Variants in PRPF39 observed in about 807,000 individuals in gnomAD.
PRPF39 encodes the protein pre-mRNA-processing factor 39.
A neutral mutation model predicts 82.1 loss-of-function variants in PRPF39; 27 were observed. That is an observed-to-expected ratio of 0.33 (90% CI 0.24 to 0.45). PRPF39 has a LOEUF of 0.45. PRPF39 is among the 20% of genes least tolerant of loss of function. The probability of loss-of-function intolerance (pLI) is 1.00; values close to 1 mark genes in which losing one functional copy is unlikely to be tolerated. For synonymous variants in PRPF39, 261 were observed against 256.4 expected (o/e 1.02, Z -0.17); for missense variants, 581 against 796.9 (o/e 0.73, Z 3.26).
chr14:45,095,996 C>T, intron 2 of PRPF39, 107 bp from the exon 3 acceptor site: 1 of 1,053,826 alleles, frequency 9.5e-7, no homozygotes, highest in Non-Finnish European at 1.3e-6. Context: ...AGTTTTTAAG[C>T]CTGCCATTTA....
chr14:45,087,740 ATTTTTTTTT>A (rs35926249), intron 1 of PRPF39, among the ~76,000 whole-genome samples: 1 of 123,426 alleles, frequency 8.1e-6, no homozygotes, highest in East Asian at 2.5e-4. Flanking sequence ...TGCCCGGCTA[ATTTTTTTTT>A]TTTTTTTTTT....
chr14:45,093,573 G>A (rs1422545482), intron 1 of PRPF39, among the ~76,000 whole-genome samples: 1 of 99,500 alleles, frequency 1.0e-5, no homozygotes, highest in East Asian at 2.8e-4. Flanking sequence ...TTTTTTTTTT[G>A]AGACGGAGTT....
intron 5 of PRPF39, among the ~76,000 whole-genome samples, chr14:45,107,140 G>A (rs939055469): frequency 6.6e-6 from 1 of 152,150 alleles, no homozygotes; most frequent in African/African-American, 2.4e-5. Flanking sequence ...AAGATTTAGA[G>A]AAAAGAAAAC....
intron 1 of PRPF39, among the ~76,000 whole-genome samples, chr14:45,088,573 G>A (rs1390011776): frequency 6.6e-6 from 1 of 152,154 alleles, no homozygotes; most frequent in Non-Finnish European, 1.5e-5. Context: ...TTGAATCTTA[G>A]CTCTGTTTCT....
chr14:45,116,065 T>C lies in PRPF39; in HGVS notation c.*1152T>C. 1.6e-6 allele frequency: 1 copy of C among 630,524 alleles called. No homozygotes were observed. Among genetic ancestry groups the C allele is most frequent in the South Asian group, 2.1e-5 (1 of 46,782 alleles). The allele number at this position is 630,524 out of a possible 1,614,324, so 39.1% of individuals were successfully genotyped here. ...AAAAGCTGGGACCAAGTAAACAAAT[T>C]TTATTAACTCCTTGAATTTTCCAGT... is the stretch of plus-strand genomic sequence containing the variant. On this transcript the variant is annotated 3_prime_UTR_variant, in exon 14 of 14. Coordinates refer to ENST00000355765, the MANE Select transcript of PRPF39 (RefSeq NM_017922.4).
chr14:45,089,280 A>G (rs1298274514), intron 1 of PRPF39, among the ~76,000 whole-genome samples: 2 of 152,188 alleles, frequency 1.3e-5, no homozygotes, highest in East Asian at 1.9e-4. Context: ...TACATGTAGT[A>G]TAAGACCAGG....
intron 4 of PRPF39, among the ~76,000 whole-genome samples, chr14:45,102,144 A>AT (rs1884395179): frequency 6.6e-6 from 1 of 152,140 alleles, no homozygotes; most frequent in African/African-American, 2.4e-5. Flanking sequence ...ATATTCTTAA[A>AT]TTGAGATAAA....
At chr14:45,113,095 C>G (rs1884740627) in intron 11 of PRPF39, among the ~76,000 whole-genome samples, 1 of 152,204 alleles carries the variant, frequency 6.6e-6, no homozygotes, top group Non-Finnish European at 1.5e-5. Flanking sequence ...TTGTAGTAAG[C>G]AAATACACCA....
Position 45,110,890 on chromosome 14 carries a change from T to C in PRPF39, c.1572+73T>C. 1 of 1,338,154 alleles carries C rather than the reference T, an allele frequency of 7.5e-7. No individual in the cohort carries two copies. The highest frequency in any genetic ancestry group is 1.0e-6 in the Non-Finnish European group (1 of 985,216). 82.9% of individuals were successfully genotyped at this position (1,338,154 alleles called of 1,614,324 possible). A position where few individuals can be genotyped will look rare whatever the true frequency, so the allele number is the denominator to read the frequency against. Reference sequence around the variant, plus strand: ...GTCAGTGTATTTTCACTGTGGCAACTGTGATGAAAGATTTGGTCTGTATGT... The same window carrying C: ...GTCAGTGTATTTTCACTGTGGCAACCGTGATGAAAGATTTGGTCTGTATGT... On this transcript the variant is annotated intron_variant, in intron 10 of 13. Transcript: ENST00000355765. This position sits in a 1 kb window ranked among gnomAD's most constrained non-coding sequence, Gnocchi z 4.0.
intron 1 of PRPF39, among the ~76,000 whole-genome samples, chr14:45,088,640 A>C (rs1226179809): frequency 6.6e-6 from 1 of 152,206 alleles, no homozygotes; most frequent in Non-Finnish European, 1.5e-5. Flanking sequence ...TGGTTTTGTC[A>C]TCTTTAAAAG....
Position 45,095,267 on chromosome 14 carries a change from A to C in PRPF39, c.28A>C (p.Arg10=), listed in dbSNP as rs1187562607. Residue 10 remains arginine (R), a synonymous_variant, in exon 2 of 14, where the codon AGA becomes CGA. Coordinates refer to ENST00000355765, the MANE Select transcript of PRPF39 (RefSeq NM_017922.4). ...GCAAAATTCTCACATGGATGAATAC[A>C]GAAATTCTAGTAATGGCAGCACAGG... MQNSHMDEY[R]NSSNGSTGNS... 22 of 1,602,966 alleles carry C rather than the reference A, an allele frequency of 1.4e-5. No homozygotes were observed. Among genetic ancestry groups the C allele is most frequent in the Non-Finnish European group, 1.9e-5 (22 of 1,171,430 alleles).
Position 45,114,986 on chromosome 14 carries a change from A to G in PRPF39, c.*73A>G. ...ATTATTTTTTTTAATGAGGGATGTA[A>G]ACAGTATAAGCTTGTTGTATTTGAT... On this transcript the variant is annotated 3_prime_UTR_variant, in exon 14 of 14. Transcript: ENST00000355765. The G allele has an allele frequency of 8.2e-7, 1 of 1,226,214 alleles. No homozygotes were observed. The highest frequency in any genetic ancestry group is 1.2e-6 in the Non-Finnish European group (1 of 835,874). 76.0% of individuals were successfully genotyped at this position (1,226,214 alleles called of 1,614,324 possible). A position where few individuals can be genotyped will look rare whatever the true frequency, so the allele number is the denominator to read the frequency against.
chr14:45,087,759 T>TAA (rs1566688898), intron 1 of PRPF39, among the ~76,000 whole-genome samples: 5 of 148,844 alleles, frequency 3.4e-5, no homozygotes, highest in African/African-American at 1.2e-4. Context: ...TTTTTTTTTT[T>TAA]TGTATTTTTA....
At chr14:45,108,610 G>T (rs1884609951) in intron 7 of PRPF39, 88 bp downstream of exon 7, 15 of 1,444,244 alleles carry the variant, frequency 1.0e-5, no homozygotes, top group African/African-American at 1.5e-5. Flanking sequence ...TATCTCTGTT[G>T]TAACTTTATT....
chr14:45,103,707 A>G (rs909936670), intron 5 of PRPF39, among the ~76,000 whole-genome samples: 2 of 152,180 alleles, frequency 1.3e-5, no homozygotes, highest in Middle Eastern at 3.2e-3. Flanking sequence ...CGACCTAGGA[A>G]GACACTTGCT....
At chr14:45,103,931 G>C (rs888854161) in intron 5 of PRPF39, among the ~76,000 whole-genome samples, 1 of 152,104 alleles carries the variant, frequency 6.6e-6, no homozygotes, top group Non-Finnish European at 1.5e-5. Context: ...AACACACATA[G>C]CATTTTCTAT....
intron 4 of PRPF39, among the ~76,000 whole-genome samples, chr14:45,098,724 C>T (rs1421482682): frequency 6.6e-6 from 1 of 152,178 alleles, no homozygotes; most frequent in Admixed American, 6.5e-5. Context: ...AACCTTCCTA[C>T]TATAATCTGG....
intron 4 of PRPF39, among the ~76,000 whole-genome samples, chr14:45,101,854 T>TGGAGTGCAGTGGTGCAATCTTGGC (rs1197076360): frequency 6.6e-6 from 1 of 151,824 alleles, no homozygotes; most frequent in Non-Finnish European, 1.5e-5. Context: ...TCGCCCAGTC[T>TGGAGTGCAGTGGTGCAATCTTGGC]GGAGTGCAGT....
Position 45,116,033 on chromosome 14 carries a change from A to C in PRPF39, c.*1120A>C, listed in dbSNP as rs971724369. On this transcript the variant is annotated 3_prime_UTR_variant, in exon 14 of 14. Transcript: ENST00000355765. Reference sequence around the variant, plus strand: ...TAGACCAGGGATTCATAAGGGATTTATCTCTCAAAAGCTGGGACCAAGTAA... The same window carrying C: ...TAGACCAGGGATTCATAAGGGATTTCTCTCTCAAAAGCTGGGACCAAGTAA... 2.5e-5 allele frequency: 14 copies of C among 569,192 alleles called. No homozygotes were observed. The highest frequency in any genetic ancestry group is 3.5e-5 in the Non-Finnish European group (11 of 313,232). 35.3% of individuals were successfully genotyped at this position (569,192 alleles called of 1,614,324 possible).
Sources: allele counts gnomAD v4.1 joint callset (sites outside exome capture counted in the v4.1 genomes callset), GRCh38; gene constraint gnomAD v4.1.1; non-coding constraint Gnocchi (gnomAD v3.1); transcripts MANE v1.5; gene names NCBI Gene and HGNC (gene_info 2026-07-23, HGNC 2026-07-21).